Variants in NUP210L observed in about 807,000 individuals in gnomAD.
NUP210L encodes nucleoporin 210 like.
A neutral mutation model predicts 208.5 loss-of-function variants in NUP210L; 74 were observed. That is an observed-to-expected ratio of 0.35 (90% CI 0.29 to 0.43). NUP210L has a LOEUF of 0.43. Ranked by LOEUF, NUP210L falls within the 20% of genes least tolerant of loss-of-function variation. NUP210L has a pLI of 1.00. For missense variants in NUP210L, 1,843 were observed against 2,289.4 expected, an observed-to-expected ratio of 0.81 and a Z score of 3.98; for synonymous variants, 780 against 816.9, an observed-to-expected ratio of 0.95 and a Z score of 0.77.
At chr1:154,116,819 C>G (rs1657357177) in intron 12 of NUP210L, among the ~76,000 whole-genome samples, 1 of 151,848 alleles carries the variant, frequency 6.6e-6, no homozygotes, top group African/African-American at 2.4e-5. Flanking sequence ...GATTGACAAA[C>G]CAAAATATGA....
intron 27 of NUP210L, among the ~76,000 whole-genome samples, chr1:154,042,490 A>T (rs1409709075): frequency 6.6e-6 from 1 of 151,858 alleles, no homozygotes; most frequent in Non-Finnish European, 1.5e-5. Flanking sequence ...GCAGTGGCGC[A>T]ATCTCGCCTC....
intron 2 of NUP210L, among the ~76,000 whole-genome samples, chr1:154,145,847 T>C (rs1047765861): frequency 8.5e-5 from 13 of 152,174 alleles, no homozygotes; most frequent in African/African-American, 2.7e-4. Context: ...CTAGTTATGT[T>C]GCTGAGAGGG....
intron 7 of NUP210L, among the ~76,000 whole-genome samples, chr1:154,134,314 A>G (rs1171356251): frequency 6.6e-6 from 1 of 151,998 alleles, no homozygotes; most frequent in Non-Finnish European, 1.5e-5. Context: ...TTCAAAAAAA[A>G]TACCAAATAA....
chr1:154,010,088 G>A (rs927144366), exon 35 of NUP210L: 3 of 1,613,892 alleles, frequency 1.9e-6, no homozygotes, highest in East Asian at 2.2e-5. Context: ...AAGTACTTTT[G>A]TAATGGCCAA....
rs547751311 is a variant in NUP210L, at chr1:154,073,586, G to A, written c.2362-3121C>T. ...TCTCAGCACTTTGGGATGCCAAGGC[G>A]AGCAGATCACTTGAGGTCAGGAGTT... On this transcript the variant is annotated intron_variant, in intron 16 of 39. Coordinates refer to ENST00000368559, the Ensembl canonical transcript of NUP210L. Among the ~76,000 whole-genome samples the A allele has an allele frequency of 2.2e-4, 34 of 152,000 alleles. No homozygotes were observed. The East Asian group carries it at 3.1e-3, about 14-fold the overall frequency.
chr1:154,103,413 C>T (rs1351207276), intron 13 of NUP210L, among the ~76,000 whole-genome samples: 1 of 147,756 alleles, frequency 6.8e-6, no homozygotes, highest in Non-Finnish European at 1.5e-5. Context: ...TGGCTCACGC[C>T]TGTAATCCCA....
At chr1:154,025,690 C>T (rs565715933) in exon 30 of NUP210L, 12 of 1,612,900 alleles carry the variant, frequency 7.4e-6, no homozygotes, top group East Asian at 4.5e-5. Flanking sequence ...CTTGAGAACA[C>T]GAGAACTCAC....
Position 154,057,004 on chromosome 1 carries a change from G to A in NUP210L, c.3108-57C>T, listed in dbSNP as rs116478298. The A allele has an allele frequency of 1.4e-3, 2,220 of 1,557,358 alleles. 30 individuals carry two copies. The African/African-American group carries it at 0.027, about 19-fold the overall frequency. ...AGATTTTTGTTTTGTTTCAAGACAG[G>A]GTCTTACTCTGTCGCCCAGGCTGGA... On this transcript the variant is annotated intron_variant, in intron 22 of 39. Transcript: ENST00000368559.
At chr1:153,994,245 T>G (rs1252718684) in intron 38 of NUP210L, among the ~76,000 whole-genome samples, 1 of 152,198 alleles carries the variant, frequency 6.6e-6, no homozygotes, top group Non-Finnish European at 1.5e-5. Context: ...ACCTCAAGAT[T>G]TAGTAGTGGT....
At chr1:154,098,693 G>A (rs1202721140) in intron 14 of NUP210L, among the ~76,000 whole-genome samples, 1 of 152,152 alleles carries the variant, frequency 6.6e-6, no homozygotes, top group Non-Finnish European at 1.5e-5. Context: ...ACACTGATTG[G>A]TCCATGGGCA....
chr1:154,032,723 G>C (rs1652303598), intron 27 of NUP210L, among the ~76,000 whole-genome samples: 1 of 151,858 alleles, frequency 6.6e-6, no homozygotes, highest in Admixed American at 6.6e-5. Context: ...TTCGAGACCA[G>C]CCTGGCCAAC....
chr1:154,105,424 G>C (rs1238243381), intron 12 of NUP210L, among the ~76,000 whole-genome samples: 1 of 149,200 alleles, frequency 6.7e-6, no homozygotes, highest in African/African-American at 2.5e-5. Flanking sequence ...GGGGGGTGGA[G>C]GTTGCAGTGA....
At position 154,126,307 on chromosome 1, in the gene NUP210L, T is replaced by C; in HGVS notation, c.1326+16A>G. 1 of 1,603,876 alleles carries C rather than the reference T, an allele frequency of 6.2e-7. No individual in the cohort carries two copies. Among genetic ancestry groups the C allele is most frequent in the Middle Eastern group, 1.7e-4 (1 of 6,006 alleles). ...CAGTGTTCTTAGAATACAAACACTG[T>C]CTGTTTAATTCCTACCTGGTAAATG... is the stretch of plus-strand genomic sequence containing the variant. On this transcript the variant is annotated intron_variant, in intron 10 of 39. Coordinates refer to ENST00000368559, the Ensembl canonical transcript of NUP210L.
chr1:154,036,313 CATGTGTGT>C (rs1169081329), intron 27 of NUP210L, among the ~76,000 whole-genome samples: 4,742 of 104,064 alleles, frequency 0.046, 180 homozygotes, highest in South Asian at 0.15. Flanking sequence ...ACAGTTGGAA[CATGTGTGT>C]GTGTGTGTGT....
chr1:154,148,583 AT>A (rs1659229442), intron 2 of NUP210L, among the ~76,000 whole-genome samples: 3 of 152,214 alleles, frequency 2.0e-5, no homozygotes, highest in Admixed American at 6.5e-5. Context: ...CCTAGAGAAG[AT>A]TAGTGAAACA....
At chr1:154,052,805 G>A (rs1653591913) in intron 25 of NUP210L, among the ~76,000 whole-genome samples, 1 of 152,226 alleles carries the variant, frequency 6.6e-6, no homozygotes, top group African/African-American at 2.4e-5. Flanking sequence ...TGCAGAACAG[G>A]CAGAGATGCT....
intron 16 of NUP210L, among the ~76,000 whole-genome samples, chr1:154,076,080 T>C (rs1483739696): frequency 1.3e-5 from 2 of 150,630 alleles, no homozygotes; most frequent in African/African-American, 2.4e-5. Context: ...TGAGCCACCA[T>C]GCCTGGGCCA....
chr1:154,036,673 C>T (rs1306300826), intron 27 of NUP210L, among the ~76,000 whole-genome samples: 4 of 151,222 alleles, frequency 2.6e-5, no homozygotes, highest in Admixed American at 2.0e-4. Context: ...CCAGAACATA[C>T]ATATTTTTAA....
At position 154,154,989 on chromosome 1, in the gene NUP210L, A is replaced by G. The variant is rs920406034; in HGVS notation, c.56T>C (p.Leu19Ser). The G allele has an allele frequency of 6.2e-6, 10 of 1,613,764 alleles. No homozygotes were observed. The African/African-American group carries it at 1.3e-4, about 22-fold the overall frequency. The change falls in exon 1 of 40, where the codon TTG (leucine) becomes TCG (serine). Residue 19 changes from leucine (L) to serine (S), a missense_variant. This residue lies in a region of NUP210L where 542 missense variants were observed against 606.4 expected (regional missense o/e 0.89). Transcript: ENST00000368559. ...CAACAACAGGAGGCGGTGTAGACGCAAGAAGAAAAAGAGCCCGAAGCCTCG... is the reference window on the plus strand; with the variant it reads ...CAACAACAGGAGGCGGTGTAGACGCGAGAAGAAAAAGAGCCCGAAGCCTCG...
Sources: gnomAD v4.1 joint callset for allele counts (sites outside exome capture counted in the v4.1 genomes callset) on GRCh38, gnomAD v4.1.1 for gene constraint, gnomAD v4.1.1 regional missense constraint, MANE v1.5 for transcripts, NCBI Gene and HGNC (gene_info 2026-07-23, HGNC 2026-07-21) for gene names.